DIABLO: variants seen among roughly 807,000 people sequenced by gnomAD.
The protein encoded by DIABLO is diablo IAP-binding mitochondrial protein, also known as diablo homolog, mitochondrial.
Under a neutral mutation model 31.7 loss-of-function variants are expected in DIABLO, and 32 were observed. That is an observed-to-expected ratio of 1.01 (90% confidence interval 0.76 to 1.35). The LOEUF is 1.35. DIABLO is among the 40% of genes most tolerant of loss of function. The probability of loss-of-function intolerance (pLI) is 0.00; values close to 1 mark genes in which losing one functional copy is unlikely to be tolerated. For missense variants in DIABLO, 316 were observed against 286.4 expected (o/e 1.10, Z -0.75); for synonymous variants, 132 against 103.2 (o/e 1.28, Z -1.69).
intron 5 of DIABLO, among the ~76,000 whole-genome samples, chr12:122,211,731 T>C (rs1382100681): frequency 4.6e-5 from 7 of 152,168 alleles, no homozygotes; most frequent in African/African-American, 1.7e-4. Flanking sequence ...TTTAATTTTT[T>C]TGGTTGTCTT....
chr12:122,210,549 T>A (rs564284091), intron 5 of DIABLO, among the ~76,000 whole-genome samples: 2 of 151,712 alleles, frequency 1.3e-5, no homozygotes, highest in Admixed American at 1.3e-4. Context: ...ATTTATTTAT[T>A]TTTTTTATTT....
chr12:122,226,098 A>G (rs1566031083), upstream of DIABLO: 4 of 1,537,520 alleles, frequency 2.6e-6, no homozygotes, highest in South Asian at 4.7e-5. Flanking sequence ...TCCACCTGAG[A>G]GCGCCTCGCC....
intron 5 of DIABLO, among the ~76,000 whole-genome samples, chr12:122,214,331 C>T (rs1954157390): frequency 6.6e-6 from 1 of 152,144 alleles, no homozygotes; most frequent in South Asian, 2.1e-4. Flanking sequence ...CAGGTGTGAG[C>T]CACCACACCC....
chr12:122,222,732 T>C (rs189302167), intron 2 of DIABLO, among the ~76,000 whole-genome samples: 2 of 152,208 alleles, frequency 1.3e-5, no homozygotes, highest in East Asian at 3.9e-4. Context: ...AGGCATTAGA[T>C]TCTTACAAGA....
chr12:122,225,705 G>A (rs1954447591), intron 1 of DIABLO: 2 of 1,412,056 alleles, frequency 1.4e-6, no homozygotes, highest in African/African-American at 2.9e-5. Flanking sequence ...TCAGGAGGCG[G>A]AGCAGCCCCA....
Position 122,218,393 on chromosome 12 carries a change from G to A in DIABLO, c.188C>T (p.Ser63Leu), listed in dbSNP as rs1954262537. Residue 63 changes from serine (S) to leucine (L), a missense_variant, in exon 3 of 6, where the codon TCA becomes TTA. Ser to Leu is a moderately radical substitution (Grantham distance 145). Coordinates refer to ENST00000464942, the MANE Select transcript of DIABLO (RefSeq NM_001371333.1). ...TTCACTACTAAGGGAATGAGGCTCT[G>A]ATTTCTGAAAGACACAAACATTGTC... ...TLCAVPIAQK[S>L]EPHSLSSEAL... is the part of the protein sequence containing the mutation. 1 of 1,614,104 alleles carries A rather than the reference G, an allele frequency of 6.2e-7. No homozygotes were observed. The highest frequency in any genetic ancestry group is 8.5e-7 in the Non-Finnish European group (1 of 1,180,010).
At chr12:122,219,062 G>A (rs1189110670) in intron 2 of DIABLO, among the ~76,000 whole-genome samples, 15 of 150,666 alleles carry the variant, frequency 1.0e-4, no homozygotes, top group South Asian at 2.1e-4. Context: ...GTGAAACCCC[G>A]TCTCTACTAA....
intron 5 of DIABLO, among the ~76,000 whole-genome samples, chr12:122,210,645 C>T (rs1217258787): frequency 2.0e-5 from 3 of 152,054 alleles, no homozygotes; most frequent in African/African-American, 4.8e-5. Flanking sequence ...TCCCAAAGTG[C>T]TGGGATTACA....
chr12:122,208,440 G>A lies in DIABLO; in HGVS notation c.661C>T (p.Gln221Ter). The A allele has an allele frequency of 6.2e-7, 1 of 1,613,990 alleles. No individual in the cohort carries two copies. The highest frequency in any genetic ancestry group is 8.5e-7 in the Non-Finnish European group (1 of 1,180,022). Residue 221 changes from glutamine (Q) to a stop codon, truncating the protein, a stop_gained, in exon 6 of 6, where the codon CAG (glutamine) becomes TAG (stop). Coordinates refer to ENST00000464942, the MANE Select transcript of DIABLO (RefSeq NM_001371333.1). LOFTEE classifies it high-confidence loss of function. ...TCAGCCCGCTCCTCCCCTTCCTCCTGTGTTTTCTGACGGAGCTCTTCTATC... is the reference window on the plus strand; with the variant it reads ...TCAGCCCGCTCCTCCCCTTCCTCCTATGTTTTCTGACGGAGCTCTTCTATC... ...AQIEELRQKTQEEGEERAESE... is the reference protein window; with the variant it reads ...AQIEELRQKT
chr12:122,226,292 G>C (rs763815864), upstream of DIABLO: 15 of 679,988 alleles, frequency 2.2e-5, no homozygotes, highest in Non-Finnish European at 4.0e-5. Context: ...GCTGAGTCGG[G>C]CGCCGTGACG....
At position 122,211,756 on chromosome 12, in the gene DIABLO, C is replaced by T. The variant is rs560111790; in HGVS notation, c.524-3179G>A. 7.2e-5 allele frequency among the ~76,000 whole-genome samples: 11 copies of T among 152,180 alleles called. No individual in the cohort carries two copies. In the East Asian group the frequency reaches 1.9e-3, roughly 27 times the overall value. ...TTGGTTGTCTTGACCTGCAAGCGTG[C>T]TCAGAAAATTGAGTATTACACACAT... On this transcript the variant is annotated intron_variant, in intron 5 of 5. Coordinates refer to ENST00000464942, the MANE Select transcript of DIABLO (RefSeq NM_001371333.1).
rs1490034913 is a variant in DIABLO at position 122,216,874 on chromosome 12, A to T, written c.316-5T>A. On this transcript the variant is annotated splice_polypyrimidine_tract_variant and splice_region_variant and intron_variant, in intron 3 of 5. Transcript: ENST00000464942. ...AGAAGTTAAGGTATAAACAGCCTAC[A>T]AATAGAGAATGAACAAGTCTGAGTA... The T allele has an allele frequency of 8.1e-6, 13 of 1,607,436 alleles. No individual in the cohort carries two copies. Among genetic ancestry groups the T allele is most frequent in the Non-Finnish European group, 1.1e-5 (13 of 1,174,318 alleles).
At chr12:122,227,225 G>C, upstream of DIABLO, 1 of 376,156 alleles carries the variant, frequency 2.7e-6, no homozygotes. Context: ...CACCAGAGAC[G>C]ACATCAGACA....
intron 2 of DIABLO, chr12:122,222,092 T>A (rs1476117295): frequency 6.6e-6 from 1 of 152,200 alleles, no homozygotes; most frequent in Non-Finnish European, 1.5e-5. Flanking sequence ...AGCTTGCTGG[T>A]TTCCTCTCTA....
chr12:122,224,337 TA>T (rs1954398434), intron 2 of DIABLO, among the ~76,000 whole-genome samples, 174 bp downstream of exon 2: 1 of 152,056 alleles, frequency 6.6e-6, no homozygotes, highest in Admixed American at 6.6e-5. Context: ...CCAAATGAGA[TA>T]ATCAAAATGA....
At chr12:122,226,269 G>C (rs1954472901), upstream of DIABLO, 1 of 692,662 alleles carries the variant, frequency 1.4e-6, no homozygotes, top group Non-Finnish European at 2.6e-6. Context: ...CGCGGAGGTG[G>C]GTCCGGCGCG....
intron 2 of DIABLO, among the ~76,000 whole-genome samples, chr12:122,223,459 T>G (rs888698033): frequency 6.6e-6 from 1 of 151,428 alleles, no homozygotes; most frequent in Admixed American, 6.6e-5. Flanking sequence ...AAATATCTTC[T>G]GCGGCTTCTT....
chr12:122,219,969 A>G (rs1293157334), intron 2 of DIABLO, among the ~76,000 whole-genome samples: 1 of 148,614 alleles, frequency 6.7e-6, no homozygotes, highest in East Asian at 2.0e-4. Flanking sequence ...TTTGAGACAG[A>G]GTCTCACTCT....
chr12:122,207,874 T>C lies in DIABLO; in HGVS notation c.*507A>G, dbSNP rs1489346416. On this transcript the variant is annotated 3_prime_UTR_variant, in exon 6 of 6. Coordinates refer to ENST00000464942, the MANE Select transcript of DIABLO (RefSeq NM_001371333.1). ...GTTTTTCACTCCTTGGCCTCAGCTGTCCTCACAGGACAGTGGGGGCAGATC... is the reference window on the plus strand; with the variant it reads ...GTTTTTCACTCCTTGGCCTCAGCTGCCCTCACAGGACAGTGGGGGCAGATC... 8.7e-6 allele frequency: 4 copies of C among 460,420 alleles called. No homozygotes were observed. The highest frequency in any genetic ancestry group is 6.2e-5 in the South Asian group (4 of 64,530). 28.5% of individuals were successfully genotyped at this position (460,420 alleles called of 1,614,324 possible).
Sources: gnomAD v4.1 joint callset for allele counts (sites outside exome capture counted in the v4.1 genomes callset) on GRCh38, gnomAD v4.1.1 for gene constraint, MANE v1.5 for transcripts, NCBI Gene and HGNC (gene_info 2026-07-23, HGNC 2026-07-21) for gene names.